The following PRIM2 variants were observed in gnomAD, a reference collection of about 807,000 sequenced individuals.
PRIM2 encodes DNA primase subunit 2.
PRIM2 carries 39 observed loss-of-function variants against 67.3 expected under a neutral mutation model. The observed-to-expected ratio is 0.58, with a 90% CI of 0.45 to 0.76. The LOEUF is 0.76. Ranked by LOEUF, PRIM2 falls within the 30% of genes least tolerant of loss-of-function variation. The pLI is 0.00. For synonymous variants in PRIM2, 143 were observed against 198.7 expected, an observed-to-expected ratio of 0.72 and a Z score of 2.36; for missense variants, 398 against 598.7, an observed-to-expected ratio of 0.66 and a Z score of 3.50.
At chr6:57,436,852 A>G (rs1302005899) in intron 7 of PRIM2, among the ~76,000 whole-genome samples, 3 of 152,326 alleles carry the variant, frequency 2.0e-5, no homozygotes, top group East Asian at 1.9e-4. Flanking sequence ...AAATTGGAAC[A>G]AAGTGCTTAC....
At chr6:57,334,687 C>T (rs1768163902) in intron 5 of PRIM2, among the ~76,000 whole-genome samples, 1 of 152,076 alleles carries the variant, frequency 6.6e-6, no homozygotes, top group African/African-American at 2.4e-5. Context: ...TAACGATTTT[C>T]ACCTCACAGA....
At chr6:57,569,996 C>A (rs1230271453) in intron 10 of PRIM2, among the ~76,000 whole-genome samples, 2 of 152,146 alleles carry the variant, frequency 1.3e-5, no homozygotes, top group Non-Finnish European at 2.9e-5. Flanking sequence ...CCCGCCTTGG[C>A]CTCCCAAAGT....
intron 10 of PRIM2, among the ~76,000 whole-genome samples, chr6:57,590,092 T>C (rs1776260008): frequency 1.3e-5 from 2 of 152,202 alleles, no homozygotes; most frequent in Non-Finnish European, 2.9e-5. Flanking sequence ...AGTCTGGGCC[T>C]CTAATCCAGC....
the PRIM2 span, among the ~76,000 whole-genome samples, chr6:57,262,238 GA>G: frequency 3.9e-5 from 6 of 152,282 alleles, no homozygotes; most frequent in Non-Finnish European, 7.3e-5. Context: ...TGGTAAAGTG[GA>G]AAGGGGATAA....
At chr6:57,592,917 T>C (rs1386699142) in intron 10 of PRIM2, among the ~76,000 whole-genome samples, 1 of 152,154 alleles carries the variant, frequency 6.6e-6, no homozygotes, top group Non-Finnish European at 1.5e-5. Flanking sequence ...CCATAGTGTT[T>C]GAATAGATTT....
chr6:57,414,208 T>C (rs1261236024), intron 7 of PRIM2, among the ~76,000 whole-genome samples: 2 of 152,114 alleles, frequency 1.3e-5, no homozygotes, highest in Non-Finnish European at 2.9e-5. Flanking sequence ...TATAGAATGT[T>C]AAGAGATCCC....
At position 57,646,047 on chromosome 6, in the gene PRIM2, C is replaced by G; in HGVS notation, c.1419C>G (p.Pro473=). 1 of 1,603,042 alleles carries G rather than the reference C, an allele frequency of 6.2e-7. No homozygotes were observed. Among genetic ancestry groups the G allele is most frequent in the Non-Finnish European group, 8.5e-7 (1 of 1,169,986 alleles). Residue 473 remains proline, a synonymous_variant, in exon 14 of 14, where the codon CCC becomes CCG. Transcript: ENST00000615550. Reference sequence around the variant, plus strand: ...CTATCCAACCAGAAACTCCTCAACCCAAACCAAGTGTCCAGAAAACCAAGG... The same window carrying G: ...CTATCCAACCAGAAACTCCTCAACCGAAACCAAGTGTCCAGAAAACCAAGG... ...KEPIQPETPQ[P]KPSVQKTKDA...
At chr6:57,342,041 GT>G (rs1768511027) in intron 5 of PRIM2, among the ~76,000 whole-genome samples, 1 of 152,178 alleles carries the variant, frequency 6.6e-6, no homozygotes, top group Non-Finnish European at 1.5e-5. Flanking sequence ...GAGATGCAGT[GT>G]TATACCTGAG....
chr6:57,242,333 A>G, the PRIM2 span, among the ~76,000 whole-genome samples: 1 of 152,238 alleles, frequency 6.6e-6, no homozygotes, highest in East Asian at 1.9e-4. Context: ...TTTGTGTTTG[A>G]AAATTGCTTT....
the PRIM2 span, among the ~76,000 whole-genome samples, chr6:57,302,010 G>T: frequency 6.6e-6 from 1 of 152,114 alleles, no homozygotes; most frequent in African/African-American, 2.4e-5. Flanking sequence ...CTATTTACTG[G>T]CTGGGAGGCC....
chr6:57,419,677 A>T (rs1771398814), intron 7 of PRIM2, among the ~76,000 whole-genome samples: 1 of 151,992 alleles, frequency 6.6e-6, no homozygotes, highest in Admixed American at 6.6e-5. Context: ...TTATTATAGG[A>T]TTGGAGATGA....
chr6:57,470,544 A>T (rs2127401545), intron 7 of PRIM2, among the ~76,000 whole-genome samples: 1 of 146,750 alleles, frequency 6.8e-6, no homozygotes, highest in East Asian at 2.0e-4. Flanking sequence ...ATTGCTGCTT[A>T]GGTAGAATAA....
chr6:57,376,684 G>GT (rs1769776377), intron 5 of PRIM2, among the ~76,000 whole-genome samples: 1 of 152,112 alleles, frequency 6.6e-6, no homozygotes, highest in South Asian at 2.1e-4. Context: ...TCTGGTTGAT[G>GT]TTTAGGGTAT....
intron 10 of PRIM2, among the ~76,000 whole-genome samples, chr6:57,597,987 C>A (rs1452458090): frequency 1.8e-4 from 28 of 152,148 alleles, no homozygotes; most frequent in Non-Finnish European, 3.2e-4. Context: ...AAGCTTTCTA[C>A]AGTATCCATT....
the PRIM2 span, among the ~76,000 whole-genome samples, chr6:57,233,623 T>C: frequency 2.6e-3 from 236 of 92,228 alleles, 2 homozygotes; most frequent in African/African-American, 9.6e-3. Context: ...CCTCCCTCCT[T>C]CCCTTTCCTC....
intron 10 of PRIM2, among the ~76,000 whole-genome samples, chr6:57,598,322 A>G (rs1333268695): frequency 6.6e-6 from 1 of 152,150 alleles, no homozygotes; most frequent in Non-Finnish European, 1.5e-5. Context: ...TAGAAGATAA[A>G]TTTTTGACTA....
intron 12 of PRIM2, among the ~76,000 whole-genome samples, chr6:57,621,680 C>CA (rs1776857869): frequency 6.6e-6 from 1 of 152,110 alleles, no homozygotes; most frequent in Non-Finnish European, 1.5e-5. Flanking sequence ...CTGTTTTATG[C>CA]ATCTGTCTTT....
At chr6:57,599,904 C>G (rs1776429319) in intron 10 of PRIM2, among the ~76,000 whole-genome samples, 1 of 152,250 alleles carries the variant, frequency 6.6e-6, no homozygotes, top group South Asian at 2.1e-4. Flanking sequence ...CTCACTGCCT[C>G]AGGCTCCTGA....
chr6:57,525,991 A>G (rs1197372691), intron 8 of PRIM2, among the ~76,000 whole-genome samples: 5 of 152,218 alleles, frequency 3.3e-5, no homozygotes, highest in Non-Finnish European at 5.9e-5. Flanking sequence ...CATCCAGATC[A>G]GGACAACAAC....
Sources: gnomAD v4.1 joint callset for allele counts (sites outside exome capture counted in the v4.1 genomes callset) on GRCh38, gnomAD v4.1.1 for gene constraint, MANE v1.5 for transcripts, NCBI Gene and HGNC (gene_info 2026-07-23, HGNC 2026-07-21) for gene names.